ADAM10: variants seen among roughly 807,000 people sequenced by gnomAD.
The protein encoded by ADAM10 is disintegrin and metalloproteinase domain-containing protein 10.
A neutral mutation model predicts 90.1 loss-of-function variants in ADAM10; 17 were observed. The ratio of observed to expected loss-of-function variants is 0.19; its 90% confidence interval spans 0.13 to 0.28. ADAM10 has a LOEUF of 0.28. Among genes scored for constraint, ADAM10 ranks in the 10% least tolerant of loss-of-function variants. The pLI is 1.00. For synonymous variants in ADAM10, 310 were observed against 298.6 expected, an observed-to-expected ratio of 1.04 and a Z score of -0.40; for missense variants, 610 against 914.3, an observed-to-expected ratio of 0.67 and a Z score of 4.29.
Position 58,674,279 on chromosome 15 carries a change from A to G in ADAM10, c.484+4845T>C, listed in dbSNP as rs1039546280. On this transcript the variant is annotated intron_variant, in intron 4 of 15. Coordinates refer to ENST00000260408, the MANE Select transcript of ADAM10 (RefSeq NM_001110.4). ...TTTCAAATACTATCACTGTGCTTAA[A>G]TAAGTTCAGTATCTAACATCAATGC... Among the ~76,000 whole-genome samples, 6 of 152,348 alleles carry G rather than the reference A, an allele frequency of 3.9e-5. No homozygotes were observed. In the South Asian group the frequency reaches 6.2e-4, roughly 16 times the overall value.
intron 3 of ADAM10, among the ~76,000 whole-genome samples, chr15:58,679,961 C>A (rs1180856099): frequency 6.6e-6 from 1 of 152,034 alleles, no homozygotes; most frequent in Admixed American, 6.6e-5. Context: ...AGCAAGCAAA[C>A]CCACTGATAA....
At chr15:58,649,752 C>T (rs1164676721) in intron 5 of ADAM10, among the ~76,000 whole-genome samples, 2 of 152,132 alleles carry the variant, frequency 1.3e-5, no homozygotes, top group African/African-American at 2.4e-5. Context: ...AAATAATGTG[C>T]TATGGTATTG....
rs563676953 is a variant in ADAM10 at position 58,675,225 on chromosome 15, C to T, written c.484+3899G>A. 4.6e-5 allele frequency among the ~76,000 whole-genome samples: 7 copies of T among 152,126 alleles called. No individual in the cohort carries two copies. The East Asian group carries it at 1.4e-3, about 29-fold the overall frequency. ...CCTCTCTGGGCTTTTCTATACCCCA[C>T]AAAGGAAAATAAATAATAAATTTGA... On this transcript the variant is annotated intron_variant, in intron 4 of 15. Coordinates refer to ENST00000260408, the MANE Select transcript of ADAM10 (RefSeq NM_001110.4).
chr15:58,687,581 TA>T (rs58319754), intron 2 of ADAM10, among the ~76,000 whole-genome samples: 17,821 of 128,792 alleles, frequency 0.14, 3,001 homozygotes, highest in African/African-American at 0.41. Flanking sequence ...TAATTAATCA[TA>T]AAAAAAAAAA....
chr15:58,622,892 G>C (rs1014586780), intron 10 of ADAM10, among the ~76,000 whole-genome samples: 3 of 152,186 alleles, frequency 2.0e-5, no homozygotes, highest in African/African-American at 7.2e-5. Flanking sequence ...TAACTTCCAA[G>C]GAGTCTGTAA....
At chr15:58,652,232 C>T (rs533989490) in intron 5 of ADAM10, among the ~76,000 whole-genome samples, 1 of 152,216 alleles carries the variant, frequency 6.6e-6, no homozygotes, top group African/African-American at 2.4e-5. Flanking sequence ...CTTTGCTGAG[C>T]CGCAGCTTTT....
chr15:58,691,166 C>A (rs768958196), intron 2 of ADAM10: 4 of 708,528 alleles, frequency 5.6e-6, no homozygotes, highest in Non-Finnish European at 1.1e-5. Context: ...AGATTGTCAC[C>A]CGCTCAACCT....
intron 4 of ADAM10, chr15:58,672,966 A>T (rs1428040189): frequency 4.7e-6 from 1 of 212,290 alleles, no homozygotes; most frequent in Admixed American, 4.2e-5. Flanking sequence ...CCTTGTTTAT[A>T]AATTATTTAG....
Position 58,593,649 on chromosome 15 carries a change from T to C in ADAM10, c.*3898A>G, listed in dbSNP as rs1370934672. On this transcript the variant is annotated 3_prime_UTR_variant, in exon 16 of 16. Coordinates refer to ENST00000260408, the MANE Select transcript of ADAM10 (RefSeq NM_001110.4). ...AGATTTCGTTCTTGTTCAATTCACC[T>C]TGTCCTTGTTGGATTACCCCACACC... 1 of 152,198 alleles carries C rather than the reference T, an allele frequency of 6.6e-6. No individual in the cohort carries two copies. The highest frequency in any genetic ancestry group is 1.5e-5 in the Non-Finnish European group (1 of 68,034). The allele number at this position is 152,198 out of a possible 1,614,324, so 9.4% of individuals were successfully genotyped here.
intron 4 of ADAM10, among the ~76,000 whole-genome samples, chr15:58,671,267 A>G (rs901375753): frequency 6.6e-6 from 1 of 152,234 alleles, no homozygotes; most frequent in Non-Finnish European, 1.5e-5. Context: ...GTTCAAATAT[A>G]AATACAAGAT....
chr15:58,596,439 AACT>A lies in ADAM10; in HGVS notation c.*1105_*1107del, dbSNP rs1476430976. On this transcript the variant is annotated 3_prime_UTR_variant, in exon 16 of 16. Coordinates refer to ENST00000260408, the MANE Select transcript of ADAM10 (RefSeq NM_001110.4). The stretch of plus-strand genomic sequence containing the variant: ...TGTCAGAAGGCCTATCTACAATTTT[AACT>A]ACTACTTAAGCAAATTACTCATCTT... 6.5e-6 allele frequency: 1 copy of A among 152,776 alleles called. No individual in the cohort carries two copies. 9.5% of individuals were successfully genotyped at this position (152,776 alleles called of 1,614,324 possible).
chr15:58,727,223 G>A (rs192243000), intron 1 of ADAM10, among the ~76,000 whole-genome samples: 4 of 118,428 alleles, frequency 3.4e-5, no homozygotes, highest in East Asian at 2.8e-4. Context: ...ACAGCGTTTC[G>A]CTCGTTGCCC....
At chr15:58,608,699 T>A (rs1206989431) in intron 14 of ADAM10, among the ~76,000 whole-genome samples, 1 of 152,164 alleles carries the variant, frequency 6.6e-6, no homozygotes, top group Non-Finnish European at 1.5e-5. Flanking sequence ...TCATTAATCC[T>A]CACATCTAAA....
intron 8 of ADAM10, among the ~76,000 whole-genome samples, chr15:58,635,681 A>G (rs1481609718): frequency 6.6e-6 from 1 of 152,172 alleles, no homozygotes; most frequent in Admixed American, 6.5e-5. Context: ...AACAAATAGT[A>G]AATTAATATC....
In ADAM10 at chr15:58,643,915, T is replaced by C; in HGVS notation, c.799A>G (p.Asn267Asp). ...ATGCGTTTCACCATGAAACTGATGTTACGGATTCCGGAGAAGTCTGTGGTC... is the reference window on the plus strand; with the variant it reads ...ATGCGTTTCACCATGAAACTGATGTCACGGATTCCGGAGAAGTCTGTGGTC... ...YQTTDFSGIRNISFMVKRIRI... is the reference protein window; with the variant it reads ...YQTTDFSGIRDISFMVKRIRI... Residue 267 changes from asparagine to aspartate, a missense_variant, in exon 7 of 16, where the codon AAC becomes GAC. Around this residue, in one of 4 missense-constraint regions of ADAM10, gnomAD observed 310 missense variants for 362.4 expected, o/e 0.86. Transcript: ENST00000260408. The C allele has an allele frequency of 6.2e-7, 1 of 1,613,438 alleles. No homozygotes were observed. The highest frequency in any genetic ancestry group is 8.5e-7 in the Non-Finnish European group (1 of 1,179,414).
intron 10 of ADAM10, among the ~76,000 whole-genome samples, 167 bp from the exon 11 acceptor site, chr15:58,621,788 G>T (rs1402868644): frequency 6.6e-6 from 1 of 152,150 alleles, no homozygotes. Flanking sequence ...CTAACAGGGG[G>T]TCTGCTACTA....
At chr15:58,723,682 G>A (rs963105495) in intron 1 of ADAM10, among the ~76,000 whole-genome samples, 2 of 151,958 alleles carry the variant, frequency 1.3e-5, no homozygotes, top group African/African-American at 4.8e-5. Flanking sequence ...TCCAGCCTGG[G>A]CAACAACAGT....
At chr15:58,690,934 C>A (rs1216652507) in intron 2 of ADAM10, among the ~76,000 whole-genome samples, 1 of 152,212 alleles carries the variant, frequency 6.6e-6, no homozygotes, top group Non-Finnish European at 1.5e-5. Flanking sequence ...AGCAGCACCA[C>A]CGGGTCACTG....
At position 58,595,910 on chromosome 15, in the gene ADAM10, T is replaced by C. The variant is rs1301477605; in HGVS notation, c.*1637A>G. ...TTTGTTTAGAATTATTTATAGTCTATCTGGGGTTTCATGTACAAAATTTGT... is the reference window on the plus strand; with the variant it reads ...TTTGTTTAGAATTATTTATAGTCTACCTGGGGTTTCATGTACAAAATTTGT... On this transcript the variant is annotated 3_prime_UTR_variant, in exon 16 of 16. Transcript: ENST00000260408. 6.6e-6 allele frequency: 1 copy of C among 152,132 alleles called. No homozygotes were observed. The highest frequency in any genetic ancestry group is 1.5e-5 in the Non-Finnish European group (1 of 67,996). The allele number at this position is 152,132 out of a possible 1,614,324, so 9.4% of individuals were successfully genotyped here.
Sources: allele counts gnomAD v4.1 joint callset (sites outside exome capture counted in the v4.1 genomes callset), GRCh38; gene constraint gnomAD v4.1.1; regional missense constraint gnomAD v4.1.1; transcripts MANE v1.5; gene names NCBI Gene and HGNC (gene_info 2026-07-23, HGNC 2026-07-21).